The following BARD1 variants were observed in gnomAD, a reference collection of about 807,000 sequenced individuals.
BARD1 encodes BRCA1 associated RING domain 1, also known as BRCA1-associated RING domain protein 1.
BARD1 carries 73 observed loss-of-function variants against 77.0 expected under a neutral mutation model. The observed-to-expected ratio is 0.95, with a 90% confidence interval of 0.79 to 1.15. The LOEUF is 1.15. BARD1 is among the 50% of genes most tolerant of loss of function. The probability of loss-of-function intolerance (pLI) is 0.00; values close to 1 mark genes in which losing one functional copy is unlikely to be tolerated. For missense variants in BARD1, 993 were observed against 938.8 expected (o/e 1.06, Z -0.75); for synonymous variants, 384 against 338.0 (o/e 1.14, Z -1.49).
chr2:214,794,134 T>C (rs1462709346), intron 2 of BARD1, among the ~76,000 whole-genome samples: 1 of 151,980 alleles, frequency 6.6e-6, no homozygotes, highest in Admixed American at 6.5e-5. Context: ...GCACCTGTAG[T>C]CTCAGCTACT....
At chr2:214,760,412 C>T (rs968462996) in intron 6 of BARD1, among the ~76,000 whole-genome samples, 3 of 152,132 alleles carry the variant, frequency 2.0e-5, no homozygotes, top group Non-Finnish European at 4.4e-5. Context: ...AGGCTAGTCT[C>T]GAACTCCTGA....
chr2:214,781,518 A>G lies in BARD1; in HGVS notation c.365-9T>C, dbSNP rs1695037195. 2 of 1,601,858 alleles carry G rather than the reference A, an allele frequency of 1.2e-6. No individual in the cohort carries two copies. Among genetic ancestry groups the G allele is most frequent in the African/African-American group, 2.7e-5 (2 of 74,528 alleles). ...TTTATCTTCTTTCAAATCTGACAGA[A>G]AAAAAGAAAAAGAAATCTGTTACAT... On this transcript the variant is annotated splice_polypyrimidine_tract_variant and intron_variant, in intron 3 of 10. Transcript: ENST00000260947.
intron 6 of BARD1, 86 bp downstream of exon 6, chr2:214,767,396 G>C (rs5031006): frequency 4.7e-6 from 6 of 1,286,248 alleles, no homozygotes; most frequent in Non-Finnish European, 5.5e-6. Flanking sequence ...CCATCAACTT[G>C]ACTATTTTAA....
intron 2 of BARD1, among the ~76,000 whole-genome samples, chr2:214,792,858 T>C (rs1695594362): frequency 6.6e-6 from 1 of 152,296 alleles, no homozygotes; most frequent in South Asian, 2.1e-4. Flanking sequence ...GGGACTAGTA[T>C]CTCAAGGCTT....
intron 4 of BARD1, among the ~76,000 whole-genome samples, chr2:214,772,900 G>A (rs1000356163): frequency 6.6e-6 from 1 of 152,198 alleles, no homozygotes; most frequent in Non-Finnish European, 1.5e-5. Flanking sequence ...TTACTTTCAA[G>A]TACTCACTTT....
At position 214,797,136 on chromosome 2, in the gene BARD1, A is replaced by G. The variant is rs1695797611; in HGVS notation, c.159-19T>C. 1 of 1,605,156 alleles carries G rather than the reference A, an allele frequency of 6.2e-7. No individual in the cohort carries two copies. Among genetic ancestry groups the G allele is most frequent in the Non-Finnish European group, 8.5e-7 (1 of 1,172,212 alleles). On this transcript the variant is annotated intron_variant, in intron 1 of 10. Coordinates refer to ENST00000260947, the MANE Select transcript of BARD1 (RefSeq NM_000465.4). Reference sequence around the variant, plus strand: ...GTTAGTACTGTTTGAAGAAATTAAAACAATCAAGATTTGAGTCATTGTTAG... The same window carrying G: ...GTTAGTACTGTTTGAAGAAATTAAAGCAATCAAGATTTGAGTCATTGTTAG...
chr2:214,804,163 T>C (rs914966706), intron 1 of BARD1, among the ~76,000 whole-genome samples: 18 of 152,232 alleles, frequency 1.2e-4, no homozygotes, highest in Admixed American at 7.2e-4. Flanking sequence ...ACCAAGCCAA[T>C]TAAACAATTT....
chr2:214,803,031 C>T (rs1245959063), intron 1 of BARD1, among the ~76,000 whole-genome samples: 1 of 151,620 alleles, frequency 6.6e-6, no homozygotes, highest in African/African-American at 2.4e-5. Flanking sequence ...ACCCCCAACC[C>T]GGTGCTCTCT....
At chr2:214,776,570 T>G (rs1694745794) in intron 4 of BARD1, among the ~76,000 whole-genome samples, 1 of 152,102 alleles carries the variant, frequency 6.6e-6, no homozygotes, top group Non-Finnish European at 1.5e-5. Flanking sequence ...AGCAGAGAAA[T>G]GATAATTTTG....
At position 214,727,010 on chromosome 2, in the gene BARD1, T is replaced by C; in HGVS notation, c.*1666A>G. 1 of 207,234 alleles carries C rather than the reference T, an allele frequency of 4.8e-6. No individual in the cohort carries two copies. The highest frequency in any genetic ancestry group is 9.3e-6 in the Non-Finnish European group (1 of 107,518). The allele number at this position is 207,234 out of a possible 1,614,324, so 12.8% of individuals were successfully genotyped here. A position where few individuals can be genotyped will look rare whatever the true frequency, so the allele number is the denominator to read the frequency against. On this transcript the variant is annotated 3_prime_UTR_variant, in exon 11 of 11. Transcript: ENST00000260947. Reference sequence around the variant, plus strand: ...TATAAATAAAAAATGACAACCAAAATCCTAGAGAGTCTTAAATTATTTAAT... The same window carrying C: ...TATAAATAAAAAATGACAACCAAAACCCTAGAGAGTCTTAAATTATTTAAT...
At chr2:214,800,475 C>A (rs961032413) in intron 1 of BARD1, among the ~76,000 whole-genome samples, 9 of 152,152 alleles carry the variant, frequency 5.9e-5, no homozygotes, top group Non-Finnish European at 1.0e-4. Context: ...GAGTTCAGGG[C>A]TATAGTGTGC....
At position 214,745,730 on chromosome 2, in the gene BARD1, T is replaced by C. The variant is rs767765131; in HGVS notation, c.1802A>G (p.Asp601Gly). Residue 601 changes from aspartate to glycine, a missense_variant, in exon 8 of 11, where the codon GAC becomes GGC. Asp to Gly is a moderately conservative substitution (Grantham distance 94). Transcript: ENST00000260947. The stretch of plus-strand genomic sequence containing the variant: ...AAATTCAAAATCCTCACCTGTACTG[T>C]CAAACTCAGTATATTTTTTAGCCTT... ...ILKAKKYTEF[D>G]STVTHVVVPG... 2 of 1,614,086 alleles carry C rather than the reference T, an allele frequency of 1.2e-6. No homozygotes were observed. The highest frequency in any genetic ancestry group is 1.7e-6 in the Non-Finnish European group (2 of 1,179,976).
At chr2:214,750,074 T>G (rs1693334029) in intron 7 of BARD1, among the ~76,000 whole-genome samples, 1 of 152,184 alleles carries the variant, frequency 6.6e-6, no homozygotes. Flanking sequence ...CTACTACTCT[T>G]GTGAATGATC....
At position 214,798,249 on chromosome 2, in the gene BARD1, G is replaced by A. The variant is rs556461739; in HGVS notation, c.159-1132C>T. On this transcript the variant is annotated intron_variant, in intron 1 of 10. Coordinates refer to ENST00000260947, the MANE Select transcript of BARD1 (RefSeq NM_000465.4). ...TACACACCCACAATGTTATTCTCAA[G>A]ATACTGAAAATGGTGCTCACTGACG... is the stretch of plus-strand genomic sequence containing the variant. Among the ~76,000 whole-genome samples, 11 of 152,166 alleles carry A rather than the reference G, an allele frequency of 7.2e-5. No individual in the cohort carries two copies. The East Asian group carries it at 2.1e-3, about 29-fold the overall frequency.
chr2:214,791,321 T>G (rs1033129639), intron 3 of BARD1, among the ~76,000 whole-genome samples: 1 of 152,206 alleles, frequency 6.6e-6, no homozygotes, highest in African/African-American at 2.4e-5. Flanking sequence ...ATAATCAACT[T>G]CATCTTTAGC....
At chr2:214,773,475 G>A (rs1050100981) in intron 4 of BARD1, among the ~76,000 whole-genome samples, 3 of 152,046 alleles carry the variant, frequency 2.0e-5, no homozygotes, top group Non-Finnish European at 2.9e-5. Flanking sequence ...ATAAAATACA[G>A]GCATATCTCG....
intron 6 of BARD1, among the ~76,000 whole-genome samples, chr2:214,766,432 T>C (rs1694198685): frequency 6.6e-6 from 1 of 152,184 alleles, no homozygotes; most frequent in East Asian, 1.9e-4. Context: ...TACAAAATAA[T>C]TATTTCTACA....
chr2:214,786,205 A>AT (rs893359874), intron 3 of BARD1, among the ~76,000 whole-genome samples: 16 of 152,160 alleles, frequency 1.1e-4, no homozygotes, highest in Non-Finnish European at 1.6e-4. Flanking sequence ...TCAAATGGTG[A>AT]TTATTACTGA....
At chr2:214,755,621 TA>T (rs1483223356) in intron 6 of BARD1, among the ~76,000 whole-genome samples, 4 of 152,202 alleles carry the variant, frequency 2.6e-5, no homozygotes, top group African/African-American at 9.7e-5. Context: ...ATATGGTGGT[TA>T]ACTGTTAAGG....
Sources: gnomAD v4.1 joint callset for allele counts (sites outside exome capture counted in the v4.1 genomes callset) on GRCh38, gnomAD v4.1.1 for gene constraint, MANE v1.5 for transcripts, NCBI Gene and HGNC (gene_info 2026-07-23, HGNC 2026-07-21) for gene names.